The following TEX14 variants were observed in gnomAD, a reference collection of about 807,000 sequenced individuals.
The protein encoded by TEX14 is testis expressed 14, intercellular bridge forming factor, also known as inactive serine/threonine-protein kinase TEX14.
A neutral mutation model predicts 178.6 loss-of-function variants in TEX14; 168 were observed. That is an observed-to-expected ratio of 0.94 (90% CI 0.83 to 1.07). TEX14 has a LOEUF of 1.07. TEX14 is among the 50% of genes least tolerant of loss of function. The probability of loss-of-function intolerance (pLI) is 0.00; values close to 1 mark genes in which losing one functional copy is unlikely to be tolerated. For missense variants in TEX14, 1,730 were observed against 1,753.6 expected (o/e 0.99, Z 0.24); for synonymous variants, 626 against 634.1 (o/e 0.99, Z 0.19).
intron 14 of TEX14, among the ~76,000 whole-genome samples, chr17:58,598,648 G>A (rs990845672): frequency 6.6e-6 from 1 of 152,166 alleles, no homozygotes; most frequent in Non-Finnish European, 1.5e-5. Flanking sequence ...ACCTTGCTAT[G>A]AGTCAGTTGC....
chr17:58,675,166 T>C (rs1233703565), intron 1 of TEX14: 2 of 150,028 alleles, frequency 1.3e-5, no homozygotes, highest in Admixed American at 6.7e-5. Flanking sequence ...AAGATGCAAA[T>C]AGCCAATAAG....
rs756532184 is a variant in TEX14, at chr17:58,602,607, A to G, written c.1337-17T>C. 8.8e-6 allele frequency: 14 copies of G among 1,594,726 alleles called. No homozygotes were observed. The highest frequency in any genetic ancestry group is 1.1e-5 in the Non-Finnish European group (13 of 1,169,230). On this transcript the variant is annotated splice_polypyrimidine_tract_variant and intron_variant, in intron 11 of 31. Coordinates refer to ENST00000349033, the MANE Select transcript of TEX14 (RefSeq NM_031272.5). ...GTATGTCATCTGTAAGGAAAAAGTCATACAAAAGAGTAAATTAGGAAACCA... is the reference window on the plus strand; with the variant it reads ...GTATGTCATCTGTAAGGAAAAAGTCGTACAAAAGAGTAAATTAGGAAACCA...
chr17:58,682,317 GTGCCATCTCAGCTCAC>G (rs2047514765), intron 1 of TEX14, among the ~76,000 whole-genome samples: 1 of 151,608 alleles, frequency 6.6e-6, no homozygotes, highest in South Asian at 2.1e-4. Flanking sequence ...GAGTGCAGTG[GTGCCATCTCAGCTCAC>G]TGCCACATCT....
intron 1 of TEX14, among the ~76,000 whole-genome samples, chr17:58,653,116 T>G (rs1240960317): frequency 6.6e-6 from 1 of 152,112 alleles, no homozygotes; most frequent in Non-Finnish European, 1.5e-5. Flanking sequence ...TTTTGTATTT[T>G]TAGTAGAGAC....
At position 58,652,010 on chromosome 17, in the gene TEX14, A is replaced by G; in HGVS notation, c.-1-8T>C. 6.5e-7 allele frequency: 1 copy of G among 1,537,068 alleles called. No individual in the cohort carries two copies. The highest frequency in any genetic ancestry group is 8.7e-7 in the Non-Finnish European group (1 of 1,144,968). Reference sequence around the variant, plus strand: ...CGAACAGCCCGAGACATCCTGTTCCAAAAGAGAGCAATATGCTTATTTTAA... The same window carrying G: ...CGAACAGCCCGAGACATCCTGTTCCGAAAGAGAGCAATATGCTTATTTTAA... On this transcript the variant is annotated splice_polypyrimidine_tract_variant and splice_region_variant and intron_variant, in intron 1 of 31. Coordinates refer to ENST00000349033, the MANE Select transcript of TEX14 (RefSeq NM_031272.5).
chr17:58,593,602 T>C lies in TEX14; in HGVS notation c.2529A>G (p.Gln843=). 1 of 1,614,140 alleles carries C rather than the reference T, an allele frequency of 6.2e-7. No homozygotes were observed. Among genetic ancestry groups the C allele is most frequent in the African/African-American group, 1.3e-5 (1 of 75,044 alleles). ...QNTDEQFQCT[Q]GAKDSLETSR... is the part of the protein sequence containing the mutation. ...TTGTTTCCAAACTGTCCTTGGCTCC[T>C]TGAGTGCACTGAAATTGTTCATCTG... The change falls in exon 15 of 32, where the codon CAA becomes CAG. Residue 843 remains glutamine (Q), a synonymous_variant. Transcript: ENST00000349033.
At chr17:58,563,677 AGAGAGAGAGAGAGAGAGAGAGAGAGC>A (rs1314244921) in intron 28 of TEX14, among the ~76,000 whole-genome samples, 5 of 81,094 alleles carry the variant, frequency 6.2e-5, no homozygotes, top group South Asian at 4.5e-4. Context: ...AGAGAGAGAG[AGAGAGAGAGAGAGAGAGAGAGAGAGC>A]GCAAGATCAT....
At chr17:58,683,037 T>A (rs574069922) in intron 1 of TEX14, among the ~76,000 whole-genome samples, 354 of 112,822 alleles carry the variant, frequency 3.1e-3, no homozygotes, top group African/African-American at 0.012. Context: ...TGGGCGACAG[T>A]GCGAGAGTCT....
At chr17:58,618,924 C>T (rs2045935749) in intron 5 of TEX14, among the ~76,000 whole-genome samples, 1 of 152,222 alleles carries the variant, frequency 6.6e-6, no homozygotes, top group Admixed American at 6.5e-5. Flanking sequence ...AAACAGCCAA[C>T]AGATAATCAG....
At chr17:58,661,184 T>C (rs750395555) in intron 1 of TEX14, 5 of 802,612 alleles carry the variant, frequency 6.2e-6, no homozygotes, top group Non-Finnish European at 1.1e-5. Flanking sequence ...AATAGCACCG[T>C]GATTTTCAGC....
chr17:58,563,012 A>G (rs2044303288), intron 28 of TEX14, among the ~76,000 whole-genome samples: 1 of 151,906 alleles, frequency 6.6e-6, no homozygotes, highest in Admixed American at 6.6e-5. Flanking sequence ...TCAAGGCTGC[A>G]GTGAGTGGTG....
intron 17 of TEX14, 54 bp downstream of exon 17, chr17:58,587,527 G>T (rs2045006249): frequency 2.7e-6 from 3 of 1,118,782 alleles, no homozygotes; most frequent in Non-Finnish European, 4.0e-6. Flanking sequence ...AACCACATTA[G>T]AAATATACTT....
At chr17:58,657,336 G>A (rs1356784466) in intron 1 of TEX14, among the ~76,000 whole-genome samples, 1 of 151,734 alleles carries the variant, frequency 6.6e-6, no homozygotes, top group African/African-American at 2.4e-5. Context: ...TGTGTGTCAG[G>A]GGGTGGAATC....
intron 2 of TEX14, chr17:58,631,233 G>A (rs1248839561): frequency 4.9e-5 from 33 of 674,242 alleles, no homozygotes; most frequent in Admixed American, 2.5e-4. Flanking sequence ...AAGCCGAGGC[G>A]GGTAGATCAC....
intron 1 of TEX14, among the ~76,000 whole-genome samples, chr17:58,672,634 G>A (rs1034928655): frequency 3.9e-5 from 6 of 152,144 alleles, no homozygotes; most frequent in South Asian, 2.1e-4. Flanking sequence ...TAGTAGAGAC[G>A]GGGTTTCACC....
At position 58,559,640 on chromosome 17, in the gene TEX14, CA is replaced by C. The variant is rs1026310181; in HGVS notation, c.4158-79del. 53 of 701,966 alleles carry C rather than the reference CA, an allele frequency of 7.6e-5. No homozygotes were observed. The Middle Eastern group carries it at 1.0e-3, about 14-fold the overall frequency. 43.5% of individuals were successfully genotyped at this position (701,966 alleles called of 1,614,324 possible). A position where few individuals can be genotyped will look rare whatever the true frequency, so the allele number is the denominator to read the frequency against. On this transcript the variant is annotated intron_variant, in intron 29 of 31. Coordinates refer to ENST00000349033, the MANE Select transcript of TEX14 (RefSeq NM_031272.5). ...ACAGGACTGTACTCAAAACAAAAAA[CA>C]AACAACAACAACAACAACAACAAAA...
chr17:58,587,110 T>A (rs150402093), intron 17 of TEX14, among the ~76,000 whole-genome samples: 40 of 152,336 alleles, frequency 2.6e-4, no homozygotes, highest in Admixed American at 1.8e-3. Context: ...ATATTAGAAG[T>A]GTCTTGGTCT....
chr17:58,647,055 G>A (rs2046726470), intron 2 of TEX14, among the ~76,000 whole-genome samples: 2 of 151,750 alleles, frequency 1.3e-5, no homozygotes, highest in Non-Finnish European at 2.9e-5. Flanking sequence ...ACAGGTATAC[G>A]CCACCATGCC....
intron 10 of TEX14, among the ~76,000 whole-genome samples, chr17:58,606,955 G>A (rs1025149622): frequency 2.7e-5 from 4 of 148,370 alleles, no homozygotes; most frequent in Non-Finnish European, 5.9e-5. Flanking sequence ...AATCCGGGAG[G>A]CAGAGGTTGC....
Sources: gnomAD v4.1 joint callset for allele counts (sites outside exome capture counted in the v4.1 genomes callset) on GRCh38, gnomAD v4.1.1 for gene constraint, MANE v1.5 for transcripts, NCBI Gene and HGNC (gene_info 2026-07-23, HGNC 2026-07-21) for gene names.